The following MROH6 variants were observed in gnomAD, a reference collection of about 807,000 sequenced individuals.
MROH6 encodes the protein maestro heat-like repeat-containing protein family member 6.
In MROH6, 62 loss-of-function variants were observed where a neutral mutation model predicts 67.7. The observed-to-expected ratio is 0.92, with a 90% CI of 0.75 to 1.13. The LOEUF is 1.13. Among genes scored for constraint, MROH6 ranks in the 50% most tolerant of loss-of-function variants. MROH6 has a pLI of 0.00. For synonymous variants in MROH6, 566 were observed against 470.8 expected, an observed-to-expected ratio of 1.20 and a Z score of -2.62; for missense variants, 1,175 against 1,029.1, an observed-to-expected ratio of 1.14 and a Z score of -1.94.
At chr8:143,568,822 G>C in intron 9 of MROH6, 103 bp from the exon 10 acceptor site, 1 of 881,468 alleles carries the variant, frequency 1.1e-6, no homozygotes, top group Non-Finnish European at 1.7e-6. Flanking sequence ...TCTAGGGAAG[G>C]CTGCTGACTC....
At position 143,570,083 on chromosome 8, in the gene MROH6, G is replaced by C; in HGVS notation, c.1044-18C>G. 6.2e-7 allele frequency: 1 copy of C among 1,604,318 alleles called. No individual in the cohort carries two copies. Among genetic ancestry groups the C allele is most frequent in the South Asian group, 1.1e-5 (1 of 90,984 alleles). On this transcript the variant is annotated intron_variant, in intron 6 of 13. Transcript: ENST00000398882. ...CCATAGCACTGGGGTGGGTGGAAAT[G>C]GGAGCTCTCGCTCCGTTTGGCGGCC...
rs758663452 is a variant in MROH6 at position 143,572,525 on chromosome 8, G to C, written c.190C>G (p.Pro64Ala). Residue 64 changes from proline to alanine, a missense_variant, in exon 1 of 14, where the codon CCC becomes GCC. Coordinates refer to ENST00000398882, the MANE Select transcript of MROH6 (RefSeq NM_001100878.2). ...CCACGTCCAGGCTCTGCCTCAGAGG[G>C]GGCGGTGAGTGCCTGGGTCTGTGGC... ...AEPQTQALTA[P>A]SEAEPGRGAT... 4 of 1,605,924 alleles carry C rather than the reference G, an allele frequency of 2.5e-6. No homozygotes were observed. The African/African-American group carries it at 5.3e-5, about 21-fold the overall frequency.
chr8:143,571,219 C>G (rs1824016965), intron 3 of MROH6, among the ~76,000 whole-genome samples: 1 of 152,232 alleles, frequency 6.6e-6, no homozygotes, highest in Non-Finnish European at 1.5e-5. Flanking sequence ...GGTGGGGACC[C>G]ACTGGGAGTC....
chr8:143,571,718 T>G lies in MROH6; in HGVS notation c.551A>C (p.His184Pro), dbSNP rs757601034. 80 of 1,550,872 alleles carry G rather than the reference T, an allele frequency of 5.2e-5. No homozygotes were observed. The Middle Eastern group carries it at 1.0e-3, about 19-fold the overall frequency. ...CAGCGCACACACCACGTCCCGCGCA[T>G]GCTCCAGGGCCAGTGCGCTCAGCAC... ...LRVLSALALE[H>P]ARDVVCALLP... Residue 184 changes from histidine (H) to proline (P), a missense_variant, in exon 3 of 14, where the codon CAT becomes CCT. Physicochemically the swap from His to Pro is moderately conservative, Grantham distance 77. Transcript: ENST00000398882.
At position 143,568,061 on chromosome 8, in the gene MROH6, CG is replaced by C. The variant is rs376764022; in HGVS notation, c.1764+80del. ...CTATCTGGTTTGGCTGCAGTAGAAA[CG>C]GTTGGGGGCCCCGGTGAACCCTGGA... On this transcript the variant is annotated intron_variant, in intron 11 of 13. Coordinates refer to ENST00000398882, the MANE Select transcript of MROH6 (RefSeq NM_001100878.2). 8.8e-5 allele frequency: 133 copies of C among 1,517,714 alleles called. No homozygotes were observed. The African/African-American group carries it at 1.5e-3, about 17-fold the overall frequency. 94.0% of individuals were successfully genotyped at this position (1,517,714 alleles called of 1,614,324 possible).
chr8:143,569,932 A>T lies in MROH6; in HGVS notation c.1158+19T>A, dbSNP rs376420856. Reference sequence around the variant, plus strand: ...AGTCCAGGGTCACCCTTCACCACCCATCCGGGAAGCAGGCTCACCCCTGTG... The same window carrying T: ...AGTCCAGGGTCACCCTTCACCACCCTTCCGGGAAGCAGGCTCACCCCTGTG... On this transcript the variant is annotated intron_variant, in intron 7 of 13. Coordinates refer to ENST00000398882, the MANE Select transcript of MROH6 (RefSeq NM_001100878.2). The T allele has an allele frequency of 1.2e-6, 2 of 1,612,306 alleles. No individual in the cohort carries two copies. Among genetic ancestry groups the T allele is most frequent in the Admixed American group, 3.3e-5 (2 of 59,980 alleles).
chr8:143,570,877 C>CTGT lies in MROH6; in HGVS notation c.719_720insACA (p.Ala240_Ala241insGln), dbSNP rs1823989257. The CTGT allele has an allele frequency of 6.5e-7, 1 of 1,535,470 alleles. No homozygotes were observed. The highest frequency in any genetic ancestry group is 2.4e-5 in the East Asian group (1 of 40,832). Reference sequence around the variant, plus strand: ...CCTGGTAATGGCTGGAGCCACCTACCGCCAGTGCCTGGGGCTCCGGCCCCG... The same window carrying CTGT: ...CCTGGTAATGGCTGGAGCCACCTACCTGTGCCAGTGCCTGGGGCTCCGGCCCCG... On this transcript the variant is annotated inframe_insertion and splice_region_variant, in exon 4 of 14. Transcript: ENST00000398882.
rs918271551 is a variant in MROH6 at position 143,570,974 on chromosome 8, C to T, written c.623G>A (p.Arg208His). The T allele has an allele frequency of 1.3e-5, 20 of 1,548,784 alleles. No homozygotes were observed. The highest frequency in any genetic ancestry group is 4.1e-5 in the African/African-American group (3 of 72,942). ...TACACGCTGGTTACGGCTTAGGCTG[C>T]GCCAGAGCTCGGCTGCTACCCTGAG... ...PADRVAAELW[R>H]SLSRNQRVNG... The change falls in exon 4 of 14, where the codon CGC becomes CAC. Residue 208 changes from arginine (R) to histidine (H), a missense_variant. Physicochemically the swap from Arg to His is conservative, Grantham distance 29. Coordinates refer to ENST00000398882, the MANE Select transcript of MROH6 (RefSeq NM_001100878.2).
chr8:143,569,552 C>T lies in MROH6; in HGVS notation c.1365G>A (p.Arg455=), dbSNP rs759528857. 1.0e-5 allele frequency: 16 copies of T among 1,535,224 alleles called. No individual in the cohort carries two copies. In the East Asian group the frequency reaches 2.9e-4, roughly 28 times the overall value. Residue 455 remains arginine, a synonymous_variant, in exon 9 of 14, where the codon CGG becomes CGA. Transcript: ENST00000398882. ...GGGCGCCCAGCGCTGCACCCACGAG[C>T]CGCGCGTCGCCTTCGCCCAGTGCGC... ...LLGALGEGDA[R]LVGAALGALR... is the part of the protein sequence containing the mutation.
chr8:143,567,220 CG>C lies in MROH6; in HGVS notation c.*18del. On this transcript the variant is annotated 3_prime_UTR_variant, in exon 14 of 14. Coordinates refer to ENST00000398882, the MANE Select transcript of MROH6 (RefSeq NM_001100878.2). Reference sequence around the variant, plus strand: ...GGTGCCCGAGTCGGACCCTGGCCCTCGGGCCCCAGCCCCGAGCCTCAGGCTC... The same window carrying C: ...GGTGCCCGAGTCGGACCCTGGCCCTCGGCCCCAGCCCCGAGCCTCAGGCTC... 2 of 1,213,628 alleles carry C rather than the reference CG, an allele frequency of 1.6e-6. No individual in the cohort carries two copies. Among genetic ancestry groups the C allele is most frequent in the Non-Finnish European group, 1.0e-6 (1 of 974,088 alleles). The allele number at this position is 1,213,628 out of a possible 1,614,324, so 75.2% of individuals were successfully genotyped here. A position where few individuals can be genotyped will look rare whatever the true frequency, so the allele number is the denominator to read the frequency against.
rs754739351 is a variant in MROH6 at position 143,572,150 on chromosome 8, G to C, written c.330C>G (p.Ala110=). ...AGGCAGCCGTGTACAACGCGAGGTCGGCAAGAACTCCCTCCTCCCAGGAAC... is the reference window on the plus strand; with the variant it reads ...AGGCAGCCGTGTACAACGCGAGGTCCGCAAGAACTCCCTCCTCCCAGGAAC... The part of the protein sequence containing the change: ...PQSSWEEGVL[A]DLALYTAACL... Residue 110 remains alanine, a synonymous_variant, in exon 2 of 14, where the codon GCC becomes GCG. Transcript: ENST00000398882. The C allele has an allele frequency of 6.2e-7, 1 of 1,613,008 alleles. No individual in the cohort carries two copies. Among genetic ancestry groups the C allele is most frequent in the South Asian group, 1.1e-5 (1 of 91,076 alleles).
chr8:143,568,022 G>T, intron 11 of MROH6, 120 bp downstream of exon 11: 1 of 1,465,572 alleles, frequency 6.8e-7, no homozygotes, highest in African/African-American at 1.4e-5. Context: ...CCTTGGACTT[G>T]CCCCACCAGT....
Position 143,570,281 on chromosome 8 carries a change from T to C in MROH6, c.1005A>G (p.Gly335=). ...EQAGGWRRLV[G]AHTHLEGVLL... Reference sequence around the variant, plus strand: ...GGACGCCCTCCAGGTGGGTGTGGGCTCCCACCAGCCTCCTCCAGCCTCCTG... The same window carrying C: ...GGACGCCCTCCAGGTGGGTGTGGGCCCCCACCAGCCTCCTCCAGCCTCCTG... The change falls in exon 6 of 14, where the codon GGA becomes GGG. Residue 335 remains glycine (G), a synonymous_variant. Transcript: ENST00000398882. 6.2e-7 allele frequency: 1 copy of C among 1,601,770 alleles called. No individual in the cohort carries two copies. Among genetic ancestry groups the C allele is most frequent in the Non-Finnish European group, 8.5e-7 (1 of 1,176,672 alleles).
In MROH6 at chr8:143,567,618, C is replaced by A; in HGVS notation, c.1926G>T (p.Leu642=). Residue 642 remains leucine, a synonymous_variant, in exon 13 of 14, where the codon CTG becomes CTT. Coordinates refer to ENST00000398882, the MANE Select transcript of MROH6 (RefSeq NM_001100878.2). ...GGCAAGGTGGGGCCTCACCCTGGAACAGGGAGTCCAGCAGGTCCTGGTTGA... is the reference window on the plus strand; with the variant it reads ...GGCAAGGTGGGGCCTCACCCTGGAAAAGGGAGTCCAGCAGGTCCTGGTTGA... ...GCVNQDLLDS[L]FQDLGRLQSD... 1 of 1,563,050 alleles carries A rather than the reference C, an allele frequency of 6.4e-7. No individual in the cohort carries two copies. Among genetic ancestry groups the A allele is most frequent in the Non-Finnish European group, 8.7e-7 (1 of 1,154,486 alleles).
At position 143,570,677 on chromosome 8, in the gene MROH6, C is replaced by G. The variant is rs1823972421; in HGVS notation, c.721-20G>C. 1.3e-6 allele frequency: 2 copies of G among 1,581,412 alleles called. No homozygotes were observed. The highest frequency in any genetic ancestry group is 2.3e-5 in the South Asian group (2 of 88,762). ...TGTGGCCTGTGGAGCAAGTGGCCCA[C>G]TCAGGCCTGGGGCACGCCTGGAGCT... On this transcript the variant is annotated intron_variant, in intron 4 of 13. Coordinates refer to ENST00000398882, the MANE Select transcript of MROH6 (RefSeq NM_001100878.2).
In MROH6 at chr8:143,570,670, T is replaced by C; in HGVS notation, c.721-13A>G. 1 of 1,585,834 alleles carries C rather than the reference T, an allele frequency of 6.3e-7. No homozygotes were observed. The highest frequency in any genetic ancestry group is 8.5e-7 in the Non-Finnish European group (1 of 1,171,676). The stretch of plus-strand genomic sequence containing the variant: ...GAGCACGTGTGGCCTGTGGAGCAAG[T>C]GGCCCACTCAGGCCTGGGGCACGCC... On this transcript the variant is annotated splice_polypyrimidine_tract_variant and intron_variant, in intron 4 of 13. Transcript: ENST00000398882.
In MROH6 at chr8:143,569,499, G is replaced by A; in HGVS notation, c.1418C>T (p.Ala473Val). The stretch of plus-strand genomic sequence containing the variant: ...CTCCGCGCTCAGGAGCCGCACAGGC[G>A]CCCGGGGCCGCAGCAGGAGCCTCCT... ...ALRRLLLRPRAPVRLLSAELG... is the reference protein window; with the variant it reads ...ALRRLLLRPRVPVRLLSAELG... Residue 473 changes from alanine (A) to valine (V), a missense_variant, in exon 9 of 14, where the codon GCG becomes GTG. Coordinates refer to ENST00000398882, the MANE Select transcript of MROH6 (RefSeq NM_001100878.2). 1.3e-6 allele frequency: 2 copies of A among 1,485,630 alleles called. No homozygotes were observed. Among genetic ancestry groups the A allele is most frequent in the Non-Finnish European group, 1.8e-6 (2 of 1,127,442 alleles). The allele number at this position is 1,485,630 out of a possible 1,614,324, so 92.0% of individuals were successfully genotyped here.
At chr8:143,568,777 A>C in intron 9 of MROH6, 58 bp from the exon 10 acceptor site, 6 of 966,616 alleles carry the variant, frequency 6.2e-6, no homozygotes, top group Non-Finnish European at 7.2e-6. Flanking sequence ...CAAGGGTGGG[A>C]GGGGGCGGCC....
At chr8:143,571,635 T>C in intron 3 of MROH6, 32 bp downstream of exon 3, 12 of 1,554,294 alleles carry the variant, frequency 7.7e-6, no homozygotes, top group Non-Finnish European at 1.0e-5. Context: ...GGAAGCCGCG[T>C]GGGGACCGCA....
Sources: allele counts gnomAD v4.1 joint callset (sites outside exome capture counted in the v4.1 genomes callset), GRCh38; gene constraint gnomAD v4.1.1; transcripts MANE v1.5; gene names NCBI Gene and HGNC (gene_info 2026-07-23, HGNC 2026-07-21).